DNAH7: variants seen among roughly 807,000 people sequenced by gnomAD.
DNAH7 encodes the protein axonemal beta dynein heavy chain 7.
Under a neutral mutation model 444.6 loss-of-function variants are expected in DNAH7, and 397 were observed. The observed-to-expected ratio is 0.89, with a 90% CI of 0.82 to 0.97. DNAH7 has a LOEUF of 0.97. Among genes scored for constraint, DNAH7 ranks in the 50% least tolerant of loss-of-function variants. The probability of loss-of-function intolerance (pLI) is 0.00; values close to 1 mark genes in which losing one functional copy is unlikely to be tolerated. For missense variants in DNAH7, 4,902 were observed against 4,800.8 expected (o/e 1.02, Z -0.62); for synonymous variants, 1,636 against 1,624.4 (o/e 1.01, Z -0.17).
At chr2:195,917,216 C>T (rs537315343) in intron 24 of DNAH7, among the ~76,000 whole-genome samples, 29 of 150,880 alleles carry the variant, frequency 1.9e-4, no homozygotes, top group African/African-American at 5.6e-4. Context: ...AGCAGCTTCC[C>T]GATAAGATCT....
chr2:196,008,577 C>T (rs1272937142), intron 10 of DNAH7, among the ~76,000 whole-genome samples: 1 of 152,122 alleles, frequency 6.6e-6, no homozygotes, highest in Non-Finnish European at 1.5e-5. Context: ...ATCATTTGGC[C>T]ATACTGAAGT....
At chr2:195,985,943 T>G (rs548226967) in intron 14 of DNAH7, among the ~76,000 whole-genome samples, 4 of 152,196 alleles carry the variant, frequency 2.6e-5, no homozygotes, top group Non-Finnish European at 1.5e-5. Flanking sequence ...TCACGCTGTC[T>G]GTGAAAGCAA....
chr2:195,857,418 T>C lies in DNAH7; in HGVS notation c.8373A>G (p.Glu2791=). The C allele has an allele frequency of 1.2e-6, 2 of 1,608,722 alleles. No individual in the cohort carries two copies. Among genetic ancestry groups the C allele is most frequent in the South Asian group, 1.1e-5 (1 of 89,768 alleles). The change falls in exon 44 of 65, where the codon GAA becomes GAG. Residue 2791 remains glutamate (E), a synonymous_variant. Transcript: ENST00000312428. ...EKIRNASTAA[E]GLCKWVIAMD... The stretch of plus-strand genomic sequence containing the variant: ...TTGCTATGACCCATTTGCACAGACC[T>C]TCGGCCGCTGTAGAAGCATTTCTGA...
chr2:195,820,782 C>T (rs1427574290), intron 49 of DNAH7, among the ~76,000 whole-genome samples: 1 of 152,150 alleles, frequency 6.6e-6, no homozygotes, highest in Non-Finnish European at 1.5e-5. Flanking sequence ...TAATTCGAAT[C>T]ATAAAACATG....
intron 7 of DNAH7, among the ~76,000 whole-genome samples, chr2:196,025,616 C>T (rs759698694): frequency 6.6e-6 from 1 of 152,180 alleles, no homozygotes; most frequent in African/African-American, 2.4e-5. Context: ...TAGGCTCCTC[C>T]AGAGTCCTTC....
intron 46 of DNAH7, among the ~76,000 whole-genome samples, chr2:195,848,822 T>C (rs1226674574): frequency 6.6e-6 from 1 of 152,212 alleles, no homozygotes; most frequent in Non-Finnish European, 1.5e-5. Context: ...AAGCTATCTA[T>C]TGTAACCCGG....
At chr2:195,755,911 G>GA (rs1417236038) in intron 62 of DNAH7, among the ~76,000 whole-genome samples, 1 of 152,130 alleles carries the variant, frequency 6.6e-6, no homozygotes, top group African/African-American at 2.4e-5. Context: ...ATACCTAGTG[G>GA]AAAAACCAAC....
chr2:195,995,272 T>C (rs1574975737), intron 12 of DNAH7: 1 of 449,828 alleles, frequency 2.2e-6, no homozygotes. Context: ...ATGTTGGTGA[T>C]ATCATAAGTC....
rs58054572 is a variant in DNAH7 at position 195,974,755 on chromosome 2, TACACACAC to T, written c.1834-2297_1834-2290del. 8.0e-3 allele frequency among the ~76,000 whole-genome samples: 1,150 copies of T among 143,626 alleles called. 13 individuals are homozygous for T. Among genetic ancestry groups the T allele is most frequent in the East Asian group, 0.058 (290 of 5,002 alleles). 94.2% of individuals were successfully genotyped at this position (143,626 alleles called of 152,430 possible). A position where few individuals can be genotyped will look rare whatever the true frequency, so the allele number is the denominator to read the frequency against. On this transcript the variant is annotated intron_variant, in intron 15 of 64. Coordinates refer to ENST00000312428, the MANE Select transcript of DNAH7 (RefSeq NM_018897.3). ...TATATATAGGCATGTATGTATATTT[TACACACAC>T]ACACACACACACACACACACACACA...
At chr2:195,902,971 T>C (rs1339136806) in intron 27 of DNAH7, 3 of 152,162 alleles carry the variant, frequency 2.0e-5, no homozygotes, top group East Asian at 3.9e-4. Flanking sequence ...GTTAAAAAAA[T>C]TAAATTGGAT....
At chr2:196,004,613 G>A (rs548974009) in intron 10 of DNAH7, among the ~76,000 whole-genome samples, 15 of 152,254 alleles carry the variant, frequency 9.9e-5, no homozygotes, top group African/African-American at 2.4e-4. Flanking sequence ...AGCAAAATCA[G>A]TGATTAGAGG....
chr2:195,874,241 A>C (rs995360491), intron 38 of DNAH7, among the ~76,000 whole-genome samples: 1 of 152,186 alleles, frequency 6.6e-6, no homozygotes, highest in African/African-American at 2.4e-5. Flanking sequence ...ATCTTTAAAA[A>C]TTGGGGGATT....
Position 195,923,714 on chromosome 2 carries a change from G to C in DNAH7, c.3706C>G (p.Leu1236Val). ...GKLSMQNRVTLGALVVLDVHA... is the reference protein window; with the variant it reads ...GKLSMQNRVTVGALVVLDVHA... ...ACATCCAGTACCACAAGTGCTCCCA[G>C]AGTTACGCGATTCTGCATGGACAAT... The change falls in exon 23 of 65, where the codon CTG (leucine) becomes GTG (valine). Residue 1236 changes from leucine to valine, a missense_variant. Transcript: ENST00000312428. 1.9e-6 allele frequency: 3 copies of C among 1,614,070 alleles called. No homozygotes were observed. The highest frequency in any genetic ancestry group is 1.7e-6 in the Non-Finnish European group (2 of 1,180,006).
chr2:195,945,974 T>C (rs1460317670), intron 19 of DNAH7, among the ~76,000 whole-genome samples: 4 of 151,776 alleles, frequency 2.6e-5, no homozygotes, highest in Non-Finnish European at 5.9e-5. Flanking sequence ...CCCAAGAGAG[T>C]CCCTAATAAA....
intron 5 of DNAH7, among the ~76,000 whole-genome samples, chr2:196,043,078 G>A (rs1009607951): frequency 6.6e-6 from 1 of 152,084 alleles, no homozygotes; most frequent in South Asian, 2.1e-4. Context: ...TAATTGAAAC[G>A]GGCAAGTGGA....
intron 10 of DNAH7, among the ~76,000 whole-genome samples, chr2:196,008,961 G>T (rs1416753403): frequency 6.8e-6 from 1 of 147,168 alleles, no homozygotes; most frequent in Non-Finnish European, 1.5e-5. Flanking sequence ...AAGGCCCCAG[G>T]AACATTATAA....
Position 195,853,544 on chromosome 2 carries a change from G to A in DNAH7, c.8596-16C>T. On this transcript the variant is annotated splice_polypyrimidine_tract_variant and intron_variant, in intron 45 of 64. Coordinates refer to ENST00000312428, the MANE Select transcript of DNAH7 (RefSeq NM_018897.3). ...AAAGGTCAACCTCGAAAATAAAAGT[G>A]AGCTTTTATCAACATTTACAAGTAT... 6.3e-7 allele frequency: 1 copy of A among 1,598,324 alleles called. No homozygotes were observed. The highest frequency in any genetic ancestry group is 8.5e-7 in the Non-Finnish European group (1 of 1,171,128).
chr2:195,949,287 A>G (rs1690050266), intron 19 of DNAH7, among the ~76,000 whole-genome samples: 1 of 151,804 alleles, frequency 6.6e-6, no homozygotes, highest in Non-Finnish European at 1.5e-5. Context: ...TTATTTATTT[A>G]TTTATTTATT....
intron 12 of DNAH7, chr2:195,994,490 T>C (rs1444119399): frequency 6.1e-6 from 3 of 494,732 alleles, no homozygotes; most frequent in Non-Finnish European, 1.2e-5. Context: ...CGCCATGTCC[T>C]GTGTTGGTTG....
Sources: gnomAD v4.1 joint callset for allele counts (sites outside exome capture counted in the v4.1 genomes callset) on GRCh38, gnomAD v4.1.1 for gene constraint, MANE v1.5 for transcripts, NCBI Gene and HGNC (gene_info 2026-07-23, HGNC 2026-07-21) for gene names.